FGD3: variants seen among roughly 807,000 people sequenced by gnomAD.
FGD3 encodes FYVE, RhoGEF and PH domain-containing protein 3.
In FGD3, 45 loss-of-function variants were observed where a neutral mutation model predicts 71.8. That is an observed-to-expected ratio of 0.63 (90% CI 0.49 to 0.80). The LOEUF is 0.80. Ranked by LOEUF, FGD3 falls within the 30% of genes least tolerant of loss-of-function variation. The pLI is 0.00. For missense variants in FGD3, 844 were observed against 951.5 expected (o/e 0.89, Z 1.49); for synonymous variants, 378 against 392.8 (o/e 0.96, Z 0.44).
chr9:92,983,189 G>C (rs115863840), intron 3 of FGD3, among the ~76,000 whole-genome samples: 2,984 of 151,992 alleles, frequency 0.02, 110 homozygotes, highest in African/African-American at 0.068. Context: ...AATTGAAAAA[G>C]AAATTTGTTA....
At chr9:93,019,955 CGGG>C in intron 12 of FGD3, 94 bp downstream of exon 12, 1 of 1,350,984 alleles carries the variant, frequency 7.4e-7, no homozygotes, top group Non-Finnish European at 1.1e-6. Context: ...CCCTGGCCTC[CGGG>C]ACTGCTGGCC....
intron 16 of FGD3, chr9:93,033,240 C>G: frequency 2.8e-6 from 1 of 359,086 alleles, no homozygotes; most frequent in Non-Finnish European, 5.5e-6. Context: ...GCCTCACCTC[C>G]AGCTGTCAGA....
chr9:92,989,584 A>G (rs1347159232), intron 3 of FGD3, among the ~76,000 whole-genome samples: 1 of 152,190 alleles, frequency 6.6e-6, no homozygotes, highest in Non-Finnish European at 1.5e-5. Flanking sequence ...TTCTCCAAAG[A>G]GGACTTTGAA....
intron 1 of FGD3, among the ~76,000 whole-genome samples, chr9:92,961,980 C>G (rs1420573828): frequency 6.6e-6 from 1 of 152,222 alleles, no homozygotes; most frequent in Non-Finnish European, 1.5e-5. Flanking sequence ...GTAGTGTCCA[C>G]AGGTCAGCTC....
At chr9:92,977,666 T>C (rs1405532495) in intron 3 of FGD3, among the ~76,000 whole-genome samples, 2 of 151,940 alleles carry the variant, frequency 1.3e-5, no homozygotes, top group African/African-American at 4.8e-5. Flanking sequence ...TCATCCTCAG[T>C]TTCCAAGAGA....
chr9:93,035,206 A>AC, intron 17 of FGD3, 132 bp from the exon 18 acceptor site: 1 of 1,313,670 alleles, frequency 7.6e-7, no homozygotes, highest in Non-Finnish European at 1.0e-6. Flanking sequence ...CAGCCACCAG[A>AC]CCCCTCGGGC....
chr9:93,003,960 G>C lies in FGD3; in HGVS notation c.544-41G>C. 1 of 1,611,854 alleles carries C rather than the reference G, an allele frequency of 6.2e-7. No individual in the cohort carries two copies. The highest frequency in any genetic ancestry group is 2.2e-5 in the East Asian group (1 of 44,860). The stretch of plus-strand genomic sequence containing the variant: ...AGCGGGGCGGCAACTGTGCTCAGTG[G>C]AAGAGGCTCACTGGCCACACGTGGG... On this transcript the variant is annotated intron_variant, in intron 4 of 17. Coordinates refer to ENST00000375482, the MANE Select transcript of FGD3 (RefSeq NM_001083536.2). This position sits in a 1 kb window ranked among gnomAD's most constrained non-coding sequence, Gnocchi z 4.1.
Position 93,035,724 on chromosome 9 carries a change from T to C in FGD3, c.*135T>C. ...AGCCCAGAGCTCAGGACACTTGGCT[T>C]TGGGGGGAAGGAAACTGAGGCCCAG... On this transcript the variant is annotated 3_prime_UTR_variant, in exon 18 of 18. Coordinates refer to ENST00000375482, the MANE Select transcript of FGD3 (RefSeq NM_001083536.2). 7.7e-7 allele frequency: 1 copy of C among 1,305,306 alleles called. No homozygotes were observed. Among genetic ancestry groups the C allele is most frequent in the East Asian group, 2.7e-5 (1 of 37,342 alleles). 80.9% of individuals were successfully genotyped at this position (1,305,306 alleles called of 1,614,324 possible). A position where few individuals can be genotyped will look rare whatever the true frequency, so the allele number is the denominator to read the frequency against.
chr9:92,985,992 A>G (rs11788120), intron 3 of FGD3, among the ~76,000 whole-genome samples: 90,477 of 152,034 alleles, frequency 0.6, 27,140 homozygotes, highest in South Asian at 0.67. Context: ...AGAATGAACC[A>G]GTCTTACTGT....
chr9:92,986,758 G>C (rs1163034056), intron 3 of FGD3, among the ~76,000 whole-genome samples: 2 of 152,242 alleles, frequency 1.3e-5, no homozygotes, highest in Non-Finnish European at 2.9e-5. Flanking sequence ...GGCATAACAG[G>C]AATGAAAAGC....
intron 16 of FGD3, 141 bp from the exon 17 acceptor site, chr9:93,034,400 C>A: frequency 8.7e-6 from 10 of 1,150,868 alleles, no homozygotes; most frequent in Non-Finnish European, 1.2e-6. Context: ...TGAGGCTGGT[C>A]CCAGTCTCTG....
At chr9:93,010,529 C>CAGAG in intron 7 of FGD3, 145 bp downstream of exon 7, 1 of 865,616 alleles carries the variant, frequency 1.2e-6, no homozygotes, top group South Asian at 2.4e-5. Flanking sequence ...GAGACAGAGA[C>CAGAG]AGAGGCAGGG....
At chr9:92,978,413 A>T (rs927536157) in intron 3 of FGD3, among the ~76,000 whole-genome samples, 2 of 25,996 alleles carry the variant, frequency 7.7e-5, no homozygotes, top group Non-Finnish European at 8.2e-5. Context: ...CCCACCGCCC[A>T]CCCCCCCACC....
chr9:93,034,267 G>A (rs1017804184), intron 16 of FGD3: 1 of 380,554 alleles, frequency 2.6e-6, no homozygotes, highest in African/African-American at 2.1e-5. Context: ...GTTTTCCTAT[G>A]ATTTTGATGT....
intron 6 of FGD3, 56 bp from the exon 7 acceptor site, chr9:93,010,190 G>A: frequency 6.5e-7 from 1 of 1,539,184 alleles, no homozygotes; most frequent in Non-Finnish European, 8.8e-7. Context: ...AAGCCGGTGG[G>A]GCTGGCATCC....
intron 1 of FGD3, among the ~76,000 whole-genome samples, chr9:92,960,297 C>T (rs1859146190): frequency 6.6e-6 from 1 of 151,992 alleles, no homozygotes. Context: ...TGCATGTCTC[C>T]ATATCCCTCG....
chr9:93,015,871 G>A (rs889145747), intron 10 of FGD3, 42 bp downstream of exon 10: 4 of 1,580,824 alleles, frequency 2.5e-6, no homozygotes, highest in Non-Finnish European at 3.5e-6. Context: ...CCCTGGAAGG[G>A]GCACTGAGCA....
intron 3 of FGD3, among the ~76,000 whole-genome samples, chr9:92,986,783 A>T (rs1177393591): frequency 6.6e-6 from 1 of 152,218 alleles, no homozygotes; most frequent in Non-Finnish European, 1.5e-5. Context: ...GGTAAGTCAG[A>T]AGGAGCTGGC....
intron 1 of FGD3, among the ~76,000 whole-genome samples, chr9:92,967,074 G>T (rs191613418): frequency 6.6e-6 from 1 of 151,206 alleles, no homozygotes; most frequent in Admixed American, 6.6e-5. Flanking sequence ...CGATTCTCCT[G>T]CTTCAGCCTC....
Sources: gnomAD v4.1 joint callset for allele counts (sites outside exome capture counted in the v4.1 genomes callset) on GRCh38, gnomAD v4.1.1 for gene constraint, Gnocchi (gnomAD v3.1) non-coding constraint, MANE v1.5 for transcripts, NCBI Gene and HGNC (gene_info 2026-07-23, HGNC 2026-07-21) for gene names.